The following CD2AP variants were observed in gnomAD, a reference collection of about 807,000 sequenced individuals.
CD2AP encodes the protein CD2-associated protein.
In CD2AP, 46 loss-of-function variants were observed where a neutral mutation model predicts 85.1. That is an observed-to-expected ratio of 0.54 (90% CI 0.43 to 0.69). The LOEUF is 0.69. Among genes scored for constraint, CD2AP ranks in the 30% least tolerant of loss-of-function variants. The pLI, the probability that CD2AP is intolerant of heterozygous loss-of-function variation, is 0.00. For synonymous variants in CD2AP, 255 were observed against 252.9 expected (o/e 1.01, Z -0.08); for missense variants, 769 against 729.5 (o/e 1.05, Z -0.62).
At chr6:47,492,320 C>T (rs1015398120) in intron 1 of CD2AP, among the ~76,000 whole-genome samples, 1 of 143,710 alleles carries the variant, frequency 7.0e-6, no homozygotes, top group African/African-American at 2.6e-5. Context: ...ACATGGAAGG[C>T]TGGGTTTGGT....
rs527573848 is a variant in CD2AP at position 47,624,218 on chromosome 6, G to A, written c.1911G>A (p.Leu637=). 8.1e-6 allele frequency: 13 copies of A among 1,612,038 alleles called. No individual in the cohort carries two copies. The highest frequency in any genetic ancestry group is 1.7e-4 in the Middle Eastern group (1 of 6,056). ...MEIEKLKKAV[L]SS ...TAGAGAAGCTGAAAAAAGCTGTCCT[G>A]TCTTCTTGAGTGGTGTGGACCTGGT... The change falls in exon 18 of 18, where the codon CTG becomes CTA. Residue 637 remains leucine, a synonymous_variant. Transcript: ENST00000359314.
chr6:47,573,899 T>C (rs1355229658), intron 5 of CD2AP, among the ~76,000 whole-genome samples, 165 bp from the exon 6 acceptor site: 1 of 152,230 alleles, frequency 6.6e-6, no homozygotes, highest in Non-Finnish European at 1.5e-5. Context: ...TCTGTGTAAA[T>C]TGCATAAATT....
chr6:47,575,618 T>A (rs1768287444), intron 6 of CD2AP, among the ~76,000 whole-genome samples: 1 of 152,184 alleles, frequency 6.6e-6, no homozygotes, highest in Non-Finnish European at 1.5e-5. Flanking sequence ...CAGTAGTAGG[T>A]AGGTAAGTTA....
intron 4 of CD2AP, among the ~76,000 whole-genome samples, chr6:47,547,982 A>AT (rs1562026345): frequency 6.6e-6 from 1 of 151,878 alleles, no homozygotes; most frequent in African/African-American, 2.4e-5. Context: ...ACTGAACGAC[A>AT]ATAGTGACAC....
chr6:47,584,013 T>A (rs747333731), intron 11 of CD2AP, among the ~76,000 whole-genome samples: 28 of 152,252 alleles, frequency 1.8e-4, no homozygotes, highest in Non-Finnish European at 3.1e-4. Flanking sequence ...TAATGATATA[T>A]GATGTTGAAT....
At chr6:47,508,871 T>C (rs533719621) in intron 2 of CD2AP, among the ~76,000 whole-genome samples, 1 of 152,328 alleles carries the variant, frequency 6.6e-6, no homozygotes, top group African/African-American at 2.4e-5. Flanking sequence ...AAGACTGTTT[T>C]ACTTTCTTAT....
rs117196387 is a variant in CD2AP, at chr6:47,578,952, C to T, written c.904-433C>T. On this transcript the variant is annotated intron_variant, in intron 8 of 17. Coordinates refer to ENST00000359314, the MANE Select transcript of CD2AP (RefSeq NM_012120.3). ...GATTACAGGTGTGAGCCACCGTACC[C>T]GGCCTCATTTTATCTTTCTCTTTTT... Among the ~76,000 whole-genome samples, 157 of 152,278 alleles carry T rather than the reference C, an allele frequency of 1.0e-3. 3 individuals are homozygous for T. In the East Asian group the frequency reaches 0.019, roughly 19 times the overall value.
intron 2 of CD2AP, among the ~76,000 whole-genome samples, chr6:47,510,553 G>C (rs908568055): frequency 6.6e-6 from 1 of 152,062 alleles, no homozygotes; most frequent in South Asian, 2.1e-4. Flanking sequence ...CCAATATCTA[G>C]AGCTGGAACA....
At chr6:47,510,429 A>G (rs1380357518) in intron 2 of CD2AP, among the ~76,000 whole-genome samples, 2 of 152,182 alleles carry the variant, frequency 1.3e-5, no homozygotes, top group Admixed American at 1.3e-4. Flanking sequence ...TGTTTGGGGT[A>G]ATGAAGATAC....
At chr6:47,598,683 T>C (rs1769020125) in intron 12 of CD2AP, among the ~76,000 whole-genome samples, 1 of 150,512 alleles carries the variant, frequency 6.6e-6, no homozygotes, top group African/African-American at 2.4e-5. Context: ...TTCTCCCTAA[T>C]ATGTGGGAGC....
In CD2AP at chr6:47,478,204, G is replaced by T; in HGVS notation, c.-41G>T. On this transcript the variant is annotated 5_prime_UTR_variant, in exon 1 of 18. The change creates a new upstream start codon in the 5' untranslated region. Transcript: ENST00000359314. ...GCGAGCCACCACTGGAGGAGGAGGA[G>T]GAGGAGCGGACGTCGGCTTCTCCCC... 1.3e-6 allele frequency: 2 copies of T among 1,563,322 alleles called. No individual in the cohort carries two copies. Among genetic ancestry groups the T allele is most frequent in the Non-Finnish European group, 1.7e-6 (2 of 1,154,544 alleles).
At chr6:47,606,088 C>T (rs537797209) in intron 13 of CD2AP, 77 bp from the exon 14 acceptor site, 5 of 801,440 alleles carry the variant, frequency 6.2e-6, no homozygotes, top group Admixed American at 2.0e-5. Flanking sequence ...ATAGTTTGTC[C>T]AAAAACTGAA....
At chr6:47,605,477 TG>T (rs1769246008) in intron 13 of CD2AP, among the ~76,000 whole-genome samples, 1 of 151,974 alleles carries the variant, frequency 6.6e-6, no homozygotes, top group Non-Finnish European at 1.5e-5. Context: ...GGAAGTAAGT[TG>T]GTAATCCATG....
At chr6:47,614,418 TAAGG>T (rs779629644) in intron 17 of CD2AP, among the ~76,000 whole-genome samples, 2 of 152,162 alleles carry the variant, frequency 1.3e-5, no homozygotes, top group Non-Finnish European at 2.9e-5. Context: ...TCTCAGATAA[TAAGG>T]AAGGCCAAGT....
chr6:47,606,533 CAAAG>C (rs1245555280), intron 14 of CD2AP, among the ~76,000 whole-genome samples: 1 of 151,872 alleles, frequency 6.6e-6, no homozygotes, highest in Non-Finnish European at 1.5e-5. Flanking sequence ...CAAAGGGTGA[CAAAG>C]AAAGAACCTG....
At chr6:47,493,732 C>A (rs1306265990) in intron 1 of CD2AP, among the ~76,000 whole-genome samples, 1 of 151,926 alleles carries the variant, frequency 6.6e-6, no homozygotes, top group Admixed American at 6.6e-5. Context: ...GATGTTCTGT[C>A]CTGGGATTTT....
chr6:47,599,849 A>G (rs974532426), intron 13 of CD2AP, among the ~76,000 whole-genome samples: 1 of 152,012 alleles, frequency 6.6e-6, no homozygotes, highest in Non-Finnish European at 1.5e-5. Context: ...TTCTCCTCTT[A>G]ATCTAGAGAT....
chr6:47,524,994 A>G (rs919702260), intron 2 of CD2AP, among the ~76,000 whole-genome samples: 1 of 152,150 alleles, frequency 6.6e-6, no homozygotes, highest in Non-Finnish European at 1.5e-5. Context: ...TATCCAATTT[A>G]ATTTAATCAT....
chr6:47,524,980 T>A (rs1463081114), intron 2 of CD2AP, among the ~76,000 whole-genome samples: 1 of 152,158 alleles, frequency 6.6e-6, no homozygotes, highest in Non-Finnish European at 1.5e-5. Context: ...AGTGCTTTAG[T>A]GAATATCCAA....
Sources: gnomAD v4.1 joint callset for allele counts (sites outside exome capture counted in the v4.1 genomes callset) on GRCh38, gnomAD v4.1.1 for gene constraint, MANE v1.5 for transcripts, NCBI Gene and HGNC (gene_info 2026-07-23, HGNC 2026-07-21) for gene names.